The following FAAH2 variants were observed in gnomAD, a reference collection of about 807,000 sequenced individuals.
FAAH2 encodes the protein fatty-acid amide hydrolase 2.
A neutral mutation model predicts 36.9 loss-of-function variants in FAAH2; 60 were observed. The observed-to-expected ratio is 1.63, with a 90% CI of 1.32 to 2.02. FAAH2 has a LOEUF of 2.02. Among genes scored for constraint, FAAH2 ranks in the 30% most tolerant of loss-of-function variants. The pLI is 0.00. For missense variants in FAAH2, 689 were observed against 397.5 expected, an observed-to-expected ratio of 1.73 and a Z score of -6.23; for synonymous variants, 214 against 143.8, an observed-to-expected ratio of 1.49 and a Z score of -3.49.
chrX:57,138,638 G>A, the FAAH2 span, among the ~76,000 whole-genome samples: 10 of 111,041 alleles, frequency 9.0e-5, no homozygotes, highest in East Asian at 5.6e-4. Context: ...GAACTACCAC[G>A]CTGTTTTTCA....
intron 8 of FAAH2, among the ~76,000 whole-genome samples, chrX:57,433,118 T>C (rs2056339658): frequency 9.0e-6 from 1 of 111,666 alleles, no homozygotes; most frequent in African/African-American, 3.2e-5. Context: ...ATCAGAACTT[T>C]AGATCAAAAC....
intron 5 of FAAH2, 83 bp downstream of exon 5, chrX:57,341,473 G>C (rs897981211): frequency 2.3e-5 from 23 of 1,004,149 alleles, no homozygotes; most frequent in Non-Finnish European, 3.1e-5. Flanking sequence ...GGATTATCTT[G>C]CTTATCAGGG....
At chrX:57,428,255 A>G (rs927380110) in intron 7 of FAAH2, among the ~76,000 whole-genome samples, 1 of 112,115 alleles carries the variant, frequency 8.9e-6, no homozygotes, top group African/African-American at 3.2e-5. Flanking sequence ...TGACAAAAAT[A>G]AATTGAAAAA....
intron 4 of FAAH2, among the ~76,000 whole-genome samples, chrX:57,337,495 C>CA (rs1313613727): frequency 3.6e-5 from 4 of 111,469 alleles, no homozygotes; most frequent in African/African-American, 1.3e-4. Context: ...AACATCAATG[C>CA]AAAAACCCTC....
intron 7 of FAAH2, among the ~76,000 whole-genome samples, chrX:57,401,765 C>T (rs1464282794): frequency 9.0e-6 from 1 of 111,158 alleles, no homozygotes; most frequent in Non-Finnish European, 1.9e-5. Flanking sequence ...CTTCTGTTGC[C>T]CAGGCTTCAG....
chrX:57,479,294 G>C (rs1414452563), intron 10 of FAAH2, among the ~76,000 whole-genome samples: 1 of 111,652 alleles, frequency 9.0e-6, no homozygotes, highest in Non-Finnish European at 1.9e-5. Context: ...CTGTTTGTCT[G>C]TTATTGGTAT....
At chrX:57,186,858 C>T in the FAAH2 span, among the ~76,000 whole-genome samples, 6 of 111,642 alleles carry the variant, frequency 5.4e-5, no homozygotes, top group East Asian at 8.4e-4. Context: ...GTTTTGTCAA[C>T]GATCAGATCA....
intron 8 of FAAH2, among the ~76,000 whole-genome samples, chrX:57,439,340 C>A (rs2056491288): frequency 8.9e-6 from 1 of 111,734 alleles, no homozygotes; most frequent in South Asian, 3.8e-4. Flanking sequence ...ATTTGCATTT[C>A]TCTGATGGCC....
At chrX:57,126,054 G>A in the FAAH2 span, among the ~76,000 whole-genome samples, 3 of 112,113 alleles carry the variant, frequency 2.7e-5, no homozygotes, top group Admixed American at 2.8e-4. Flanking sequence ...TTAAAAAAGA[G>A]GCCAGACAAC....
intron 4 of FAAH2, among the ~76,000 whole-genome samples, chrX:57,335,684 C>G (rs992611012): frequency 6.3e-5 from 7 of 111,558 alleles, no homozygotes; most frequent in Non-Finnish European, 1.3e-4. Context: ...TTTACTAGTC[C>G]TCCTCAGCAC....
At chrX:57,335,706 G>A (rs1351684779) in intron 4 of FAAH2, among the ~76,000 whole-genome samples, 3 of 111,463 alleles carry the variant, frequency 2.7e-5, no homozygotes, top group East Asian at 2.9e-4. Flanking sequence ...GACCGTTTAC[G>A]GGTGTTGGGC....
the FAAH2 span, among the ~76,000 whole-genome samples, chrX:57,166,245 A>G: frequency 4.5e-5 from 5 of 110,530 alleles, no homozygotes; most frequent in African/African-American, 1.6e-4. Flanking sequence ...ATAAAACCAT[A>G]CACTCCTTCT....
chrX:57,234,341 C>T, the FAAH2 span, among the ~76,000 whole-genome samples: 1 of 111,469 alleles, frequency 9.0e-6, no homozygotes, highest in African/African-American at 3.3e-5. Context: ...TTTTATCTCA[C>T]TCAATGAGAA....
At chrX:57,392,848 T>C in intron 7 of FAAH2, 1 of 712,916 alleles carries the variant, frequency 1.4e-6, no homozygotes, top group Non-Finnish European at 2.3e-6. Flanking sequence ...GACAAGTGTG[T>C]TTTGGCCATG....
At chrX:57,450,455 A>T (rs1445656133) in intron 10 of FAAH2, among the ~76,000 whole-genome samples, 1 of 111,675 alleles carries the variant, frequency 9.0e-6, no homozygotes, top group Non-Finnish European at 1.9e-5. Flanking sequence ...CTGACTTTAA[A>T]TGCAATGTTA....
the FAAH2 span, among the ~76,000 whole-genome samples, chrX:57,151,990 G>T: frequency 8.9e-6 from 1 of 111,848 alleles, no homozygotes; most frequent in Non-Finnish European, 1.9e-5. Flanking sequence ...AGGACCCTGA[G>T]GCCTGTTGGA....
chrX:57,145,639 A>G, the FAAH2 span, among the ~76,000 whole-genome samples: 4 of 112,033 alleles, frequency 3.6e-5, no homozygotes, highest in East Asian at 8.3e-4. Context: ...GCCTAAGCCA[A>G]TGTCTAGAAG....
intron 5 of FAAH2, among the ~76,000 whole-genome samples, chrX:57,356,661 T>C (rs943477745): frequency 9.0e-6 from 1 of 111,273 alleles, no homozygotes; most frequent in African/African-American, 3.2e-5. Context: ...TCAACCTAGC[T>C]ACAAGCTTGT....
intron 7 of FAAH2, among the ~76,000 whole-genome samples, chrX:57,396,160 A>G (rs1013223322): frequency 1.8e-5 from 2 of 110,174 alleles, no homozygotes; most frequent in Middle Eastern, 4.6e-3. Flanking sequence ...TGTTTCTGTG[A>G]TATTGGTTGT....
Sources: gnomAD v4.1 joint callset for allele counts (sites outside exome capture counted in the v4.1 genomes callset) on GRCh38, gnomAD v4.1.1 for gene constraint, MANE v1.5 for transcripts, NCBI Gene and HGNC (gene_info 2026-07-23, HGNC 2026-07-21) for gene names.